ADARB2: variants seen among roughly 807,000 people sequenced by gnomAD.
ADARB2 encodes adenosine deaminase RNA specific B2 (inactive), also known as inactive double-stranded RNA-specific editase B2.
In ADARB2, 25 loss-of-function variants were observed where a neutral mutation model predicts 62.2. That is an observed-to-expected ratio of 0.40 (90% confidence interval 0.29 to 0.56). The LOEUF (loss-of-function observed/expected upper bound fraction) is 0.56, where lower values mean the gene tolerates loss of function less well. ADARB2 is among the 20% of genes least tolerant of loss of function. The probability of loss-of-function intolerance (pLI) is 0.43; values close to 1 mark genes in which losing one functional copy is unlikely to be tolerated. For synonymous variants in ADARB2, 572 were observed against 500.8 expected, an observed-to-expected ratio of 1.14 and a Z score of -1.90; for missense variants, 1,071 against 1,077.4, an observed-to-expected ratio of 0.99 and a Z score of 0.08.
At chr10:1,633,601 T>C (rs1019742105) in intron 1 of ADARB2, among the ~76,000 whole-genome samples, 2 of 139,672 alleles carry the variant, frequency 1.4e-5, no homozygotes, top group Admixed American at 7.3e-5. Flanking sequence ...TCTATCTATC[T>C]ATCTATCTAT....
At chr10:1,266,023 G>C (rs1831195179) in intron 4 of ADARB2, among the ~76,000 whole-genome samples, 1 of 129,290 alleles carries the variant, frequency 7.7e-6, no homozygotes, top group Non-Finnish European at 1.7e-5. Context: ...CTGAGAGGGG[G>C]GCCCAGGGTC....
In ADARB2 at chr10:1,333,258, G is replaced by A. The variant is rs75605266; in HGVS notation, c.1077+29770C>T. Among the ~76,000 whole-genome samples, 193 of 152,222 alleles carry A rather than the reference G, an allele frequency of 1.3e-3. 2 individuals carry two copies. The highest frequency in any genetic ancestry group is 4.4e-3 in the African/African-American group (184 of 41,512). On this transcript the variant is annotated intron_variant, in intron 3 of 9. Transcript: ENST00000381312. Reference sequence around the variant, plus strand: ...GTCATCTGATGTTACACAATCTTTAGGCACCTAGTGATGCTTTGCTGGGAA... The same window carrying A: ...GTCATCTGATGTTACACAATCTTTAAGCACCTAGTGATGCTTTGCTGGGAA...
chr10:1,655,275 C>T (rs1834159870), intron 1 of ADARB2, among the ~76,000 whole-genome samples: 1 of 152,212 alleles, frequency 6.6e-6, no homozygotes, highest in South Asian at 2.1e-4. Flanking sequence ...AAGCCAAGCT[C>T]CATGCTGTGG....
At chr10:1,564,840 G>A (rs953877179) in intron 1 of ADARB2, among the ~76,000 whole-genome samples, 1 of 148,130 alleles carries the variant, frequency 6.8e-6, no homozygotes. Flanking sequence ...TGTAATAATA[G>A]CAATGCCTTT....
chr10:1,697,630 C>T (rs1473943344), intron 1 of ADARB2, among the ~76,000 whole-genome samples: 2 of 152,200 alleles, frequency 1.3e-5, no homozygotes, highest in Admixed American at 6.5e-5. Flanking sequence ...GTGTGTCCAT[C>T]CTGAACCCCA....
At chr10:1,651,485 C>T (rs1371629609) in intron 1 of ADARB2, among the ~76,000 whole-genome samples, 2 of 152,252 alleles carry the variant, frequency 1.3e-5, no homozygotes, top group Non-Finnish European at 2.9e-5. Flanking sequence ...CCAAGTTCTC[C>T]ACCAGCTGCA....
chr10:1,702,511 C>G (rs377404361), intron 1 of ADARB2, among the ~76,000 whole-genome samples: 1 of 152,184 alleles, frequency 6.6e-6, no homozygotes, highest in African/African-American at 2.4e-5. Flanking sequence ...GGATTTTCCT[C>G]CATGTCCATC....
At chr10:1,199,902 G>T (rs1331844131) in intron 8 of ADARB2, 64 bp downstream of exon 8, 8 of 1,426,474 alleles carry the variant, frequency 5.6e-6, no homozygotes, top group Non-Finnish European at 6.4e-6. Flanking sequence ...GCACCGCCGG[G>T]CACACCTGTG....
chr10:1,675,953 C>T (rs61834215), intron 1 of ADARB2: 56,642 of 957,104 alleles, frequency 0.059, 1,796 homozygotes, highest in Middle Eastern at 0.083. Flanking sequence ...GACTTGGAGC[C>T]CAGTTAGATG....
chr10:1,253,974 G>T (rs2131785157), intron 4 of ADARB2, among the ~76,000 whole-genome samples: 1 of 152,030 alleles, frequency 6.6e-6, no homozygotes, highest in African/African-American at 2.4e-5. Context: ...CTGTGTTTAG[G>T]ATGAGGTGGG....
At chr10:1,570,998 C>A (rs1191374388) in intron 1 of ADARB2, among the ~76,000 whole-genome samples, 1 of 152,168 alleles carries the variant, frequency 6.6e-6, no homozygotes, top group Non-Finnish European at 1.5e-5. Flanking sequence ...GCCTCCCAGA[C>A]AAAACCTGTC....
intron 1 of ADARB2, among the ~76,000 whole-genome samples, chr10:1,434,605 T>C (rs946663259): frequency 4.6e-5 from 7 of 152,144 alleles, no homozygotes; most frequent in African/African-American, 1.4e-4. Context: ...CATTTAGAAT[T>C]AAACAAGTTT....
intron 3 of ADARB2, among the ~76,000 whole-genome samples, chr10:1,338,387 GA>G (rs1008389992): frequency 1.3e-5 from 2 of 152,016 alleles, no homozygotes; most frequent in Non-Finnish European, 2.9e-5. Flanking sequence ...CTTCATTTTT[GA>G]AACCATTTTT....
At chr10:1,464,424 C>G (rs201746567) in intron 1 of ADARB2, among the ~76,000 whole-genome samples, 1,297 of 32,522 alleles carry the variant, frequency 0.04, 22 homozygotes, top group African/African-American at 0.071. Context: ...CGCGCGGGGG[C>G]CAGTCACAGC....
At chr10:1,440,421 CCTT>C (rs894387085) in intron 1 of ADARB2, among the ~76,000 whole-genome samples, 4 of 127,926 alleles carry the variant, frequency 3.1e-5, no homozygotes, top group Non-Finnish European at 6.3e-5. Flanking sequence ...GCTACAAACG[CCTT>C]TTTTTTTTTT....
chr10:1,672,826 G>A (rs1195075772), intron 1 of ADARB2, among the ~76,000 whole-genome samples: 2 of 147,648 alleles, frequency 1.4e-5, no homozygotes, highest in African/African-American at 2.4e-5. Flanking sequence ...TTTCCTGATG[G>A]AGTAAGTTAC....
intron 1 of ADARB2, among the ~76,000 whole-genome samples, chr10:1,531,160 C>T (rs1009911800): frequency 6.6e-6 from 1 of 152,230 alleles, no homozygotes; most frequent in African/African-American, 2.4e-5. Flanking sequence ...GAGTGCCTCC[C>T]CCTCTACTAT....
chr10:1,525,005 CA>C (rs1303593936), intron 1 of ADARB2, among the ~76,000 whole-genome samples: 2 of 152,226 alleles, frequency 1.3e-5, no homozygotes, highest in Admixed American at 1.3e-4. Flanking sequence ...AGCTAGCTGC[CA>C]ATTTAAGTAA....
chr10:1,695,258 T>C (rs1002710391), intron 1 of ADARB2, among the ~76,000 whole-genome samples: 5 of 152,208 alleles, frequency 3.3e-5, no homozygotes, highest in Non-Finnish European at 7.3e-5. Flanking sequence ...GAATGGGCTC[T>C]GCAGAACCGA....
Sources: allele counts gnomAD v4.1 joint callset (sites outside exome capture counted in the v4.1 genomes callset), GRCh38; gene constraint gnomAD v4.1.1; transcripts MANE v1.5; gene names NCBI Gene and HGNC (gene_info 2026-07-23, HGNC 2026-07-21).